The following FHIT variants were observed in gnomAD, a reference collection of about 807,000 sequenced individuals.
The protein encoded by FHIT is bis(5'-adenosyl)-triphosphatase.
FHIT carries 19 observed loss-of-function variants against 17.9 expected under a neutral mutation model. The ratio of observed to expected loss-of-function variants is 1.06; its 90% CI spans 0.74 to 1.56. FHIT has a LOEUF of 1.56. FHIT is among the 40% of genes most tolerant of loss of function. The probability of loss-of-function intolerance (pLI) is 0.00; values close to 1 mark genes in which losing one functional copy is unlikely to be tolerated. For missense variants in FHIT, 248 were observed against 189.2 expected (o/e 1.31, Z -1.82); for synonymous variants, 81 against 69.7 (o/e 1.16, Z -0.81).
chr3:60,067,698 T>C (rs1460793736), intron 5 of FHIT, among the ~76,000 whole-genome samples: 2 of 152,298 alleles, frequency 1.3e-5, no homozygotes, highest in East Asian at 1.9e-4. Context: ...TTAGTCGACA[T>C]GAAGGCTCAA....
intron 5 of FHIT, among the ~76,000 whole-genome samples, chr3:60,279,138 T>C (rs918842226): frequency 6.6e-6 from 1 of 152,020 alleles, no homozygotes; most frequent in Non-Finnish European, 1.5e-5. Context: ...GCTAAACCTC[T>C]AGTCAGGCTA....
chr3:60,927,690 G>C (rs1168590539), intron 3 of FHIT, among the ~76,000 whole-genome samples: 2 of 151,134 alleles, frequency 1.3e-5, no homozygotes, highest in African/African-American at 4.9e-5. Flanking sequence ...CTGGGAGGTG[G>C]GGAGCACCCC....
At chr3:60,787,729 G>A (rs1308038612) in intron 4 of FHIT, among the ~76,000 whole-genome samples, 1 of 152,040 alleles carries the variant, frequency 6.6e-6, no homozygotes, top group African/African-American at 2.4e-5. Context: ...GTCATTTTTG[G>A]GCATCACAGA....
chr3:61,017,114 C>T (rs553010048), intron 3 of FHIT, among the ~76,000 whole-genome samples: 3 of 152,242 alleles, frequency 2.0e-5, no homozygotes, highest in African/African-American at 7.2e-5. Context: ...TGGTGAAACA[C>T]CGTCTCTAAC....
At chr3:60,051,207 T>C (rs1000036016) in intron 5 of FHIT, among the ~76,000 whole-genome samples, 1 of 152,030 alleles carries the variant, frequency 6.6e-6, no homozygotes, top group Non-Finnish European at 1.5e-5. Flanking sequence ...CAAAAATGCA[T>C]AGTGTTAAAA....
chr3:61,012,131 ATCATATTTGCAGAGGTAT>A (rs1210734899), intron 3 of FHIT, among the ~76,000 whole-genome samples: 1 of 152,230 alleles, frequency 6.6e-6, no homozygotes, highest in Non-Finnish European at 1.5e-5. Flanking sequence ...AAAATTAAAA[ATCATATTTGCAGAGGTAT>A]ACTGAAATTT....
chr3:59,962,060 T>C (rs1707712745), intron 7 of FHIT, among the ~76,000 whole-genome samples: 1 of 152,190 alleles, frequency 6.6e-6, no homozygotes, highest in South Asian at 2.1e-4. Context: ...ACAATTCATT[T>C]CGATTAAAGA....
At chr3:60,929,533 T>A (rs1193520313) in intron 3 of FHIT, among the ~76,000 whole-genome samples, 1 of 152,138 alleles carries the variant, frequency 6.6e-6, no homozygotes, top group Non-Finnish European at 1.5e-5. Context: ...ACAAAATCAA[T>A]GTGCAAAAAT....
intron 8 of FHIT, among the ~76,000 whole-genome samples, chr3:59,879,036 G>C (rs568686567): frequency 7.2e-5 from 11 of 151,838 alleles, no homozygotes; most frequent in African/African-American, 2.7e-4. Context: ...GAAGAAGAAA[G>C]GGCACATTCT....
intron 5 of FHIT, among the ~76,000 whole-genome samples, chr3:60,117,079 G>C (rs1322226623): frequency 6.6e-6 from 1 of 152,142 alleles, no homozygotes; most frequent in African/African-American, 2.4e-5. Flanking sequence ...CTGAATCCCT[G>C]ATGTTAATTG....
chr3:60,978,934 G>A (rs777678933), intron 3 of FHIT, among the ~76,000 whole-genome samples: 4 of 152,038 alleles, frequency 2.6e-5, no homozygotes, highest in Non-Finnish European at 4.4e-5. Context: ...TTCCCATTTC[G>A]AATACTTTTC....
intron 8 of FHIT, among the ~76,000 whole-genome samples, chr3:59,903,768 T>A (rs886099919): frequency 6.6e-6 from 1 of 152,168 alleles, no homozygotes; most frequent in Non-Finnish European, 1.5e-5. Flanking sequence ...TTTGGTTCCC[T>A]GTGAGAGCCA....
At position 60,018,001 on chromosome 3, in the gene FHIT, T is replaced by C. The variant is rs778551775; in HGVS notation, c.104-3849A>G. Among the ~76,000 whole-genome samples, 166 of 152,200 alleles carry C rather than the reference T, an allele frequency of 1.1e-3. 3 individuals are homozygous for C. The highest frequency in any genetic ancestry group is 2.8e-4 in the Non-Finnish European group (19 of 68,034). On this transcript the variant is annotated intron_variant, in intron 5 of 9. Coordinates refer to ENST00000492590, the MANE Select transcript of FHIT (RefSeq NM_002012.4). ...GAGTGTCTATCTTACTTTGTGTTTG[T>C]GTTGTTATAAAAGAACACCTGAAGC...
chr3:60,530,603 C>T (rs531509819), intron 5 of FHIT, among the ~76,000 whole-genome samples: 1 of 152,188 alleles, frequency 6.6e-6, no homozygotes, highest in Non-Finnish European at 1.5e-5. Flanking sequence ...ACAGTTACTG[C>T]CTTCTGACCC....
At chr3:60,820,174 G>A (rs556918236) in intron 4 of FHIT, among the ~76,000 whole-genome samples, 2 of 151,900 alleles carry the variant, frequency 1.3e-5, no homozygotes, top group African/African-American at 2.4e-5. Context: ...TGGGCCTGGT[G>A]GCGGGCGCTT....
At chr3:60,160,362 G>C (rs1488038270) in intron 5 of FHIT, among the ~76,000 whole-genome samples, 1 of 152,140 alleles carries the variant, frequency 6.6e-6, no homozygotes, top group African/African-American at 2.4e-5. Context: ...TGGTCATAAG[G>C]CCAGGACTTC....
intron 3 of FHIT, among the ~76,000 whole-genome samples, chr3:61,023,185 C>G (rs896162423): frequency 6.6e-6 from 1 of 152,176 alleles, no homozygotes; most frequent in African/African-American, 2.4e-5. Context: ...CACAAGCATT[C>G]CTACACACCA....
At chr3:60,400,250 G>A (rs761843344) in intron 5 of FHIT, among the ~76,000 whole-genome samples, 11 of 152,220 alleles carry the variant, frequency 7.2e-5, no homozygotes, top group Non-Finnish European at 1.0e-4. Flanking sequence ...AAATGGAAGC[G>A]GAGAGCACAT....
intron 5 of FHIT, among the ~76,000 whole-genome samples, chr3:60,332,596 G>A (rs1438307358): frequency 6.6e-6 from 1 of 152,128 alleles, no homozygotes; most frequent in African/African-American, 2.4e-5. Flanking sequence ...TACACAGGTG[G>A]AACCTGTGGG....
Sources: allele counts gnomAD v4.1 joint callset (sites outside exome capture counted in the v4.1 genomes callset), GRCh38; gene constraint gnomAD v4.1.1; transcripts MANE v1.5; gene names NCBI Gene and HGNC (gene_info 2026-07-23, HGNC 2026-07-21).